Variants in ZNF772 observed in about 807,000 individuals in gnomAD.
The protein encoded by ZNF772 is zinc finger protein 772.
ZNF772 carries 8 observed loss-of-function variants against 11.0 expected under a neutral mutation model. That is an observed-to-expected ratio of 0.73 (90% CI 0.43 to 1.31). The LOEUF (loss-of-function observed/expected upper bound fraction) is 1.31, where lower values mean the gene tolerates loss of function less well. ZNF772 is among the 50% of genes most tolerant of loss of function. ZNF772 has a pLI of 0.01. For missense variants in ZNF772, 496 were observed against 552.3 expected, an observed-to-expected ratio of 0.90 and a Z score of 1.02; for synonymous variants, 155 against 180.4, an observed-to-expected ratio of 0.86 and a Z score of 1.13.
Position 57,474,891 on chromosome 19 carries a change from G to C in ZNF772, c.200-470C>G, listed in dbSNP as rs909967924. The C allele has an allele frequency of 3.1e-6, 4 of 1,275,752 alleles. No homozygotes were observed. The South Asian group carries it at 5.6e-5, about 18-fold the overall frequency. The allele number at this position is 1,275,752 out of a possible 1,614,324, so 79.0% of individuals were successfully genotyped here. On this transcript the variant is annotated intron_variant, in intron 3 of 3. Transcript: ENST00000356584. ...GGTGAGACATGAAGGCAGAGGTATG[G>C]AACATCCAGAGGCCAAAGGCCAGAG...
In ZNF772 at chr19:57,474,321, C is replaced by T. The variant is rs1328626241; in HGVS notation, c.300G>A (p.Gln100=). ...IRIPKGGPST[Q]KAYPCGTCGL... is the part of the protein sequence containing the mutation. ...CACATGTCCCACAGGGGTAAGCCTT[C>T]TGAGTAGAAGGACCTCCCTTGGGAA... Residue 100 remains glutamine (Q), a synonymous_variant, in exon 4 of 4, where the codon CAG becomes CAA. Transcript: ENST00000356584. 1 of 1,614,104 alleles carries T rather than the reference C, an allele frequency of 6.2e-7. No individual in the cohort carries two copies. The highest frequency in any genetic ancestry group is 8.5e-7 in the Non-Finnish European group (1 of 1,180,048).
At position 57,473,198 on chromosome 19, in the gene ZNF772, A is replaced by T; in HGVS notation, c.*76T>A. Reference sequence around the variant, plus strand: ...AGTTCTACTTCTGGCTGTCGGCTACACATAAAGGCTATGCTTGGAGCTTCT... The same window carrying T: ...AGTTCTACTTCTGGCTGTCGGCTACTCATAAAGGCTATGCTTGGAGCTTCT... On this transcript the variant is annotated 3_prime_UTR_variant, in exon 4 of 4. Transcript: ENST00000356584. 1 of 1,431,212 alleles carries T rather than the reference A, an allele frequency of 7.0e-7. No homozygotes were observed. Among genetic ancestry groups the T allele is most frequent in the Non-Finnish European group, 9.5e-7 (1 of 1,056,626 alleles). The allele number at this position is 1,431,212 out of a possible 1,614,324, so 88.7% of individuals were successfully genotyped here.
Position 57,472,217 on chromosome 19 carries a change from A to G in ZNF772, c.*1057T>C, listed in dbSNP as rs1340954404. The G allele has an allele frequency of 2.2e-6, 1 of 455,368 alleles. No individual in the cohort carries two copies. The highest frequency in any genetic ancestry group is 2.0e-5 in the African/African-American group (1 of 50,002). 28.2% of individuals were successfully genotyped at this position (455,368 alleles called of 1,614,324 possible). On this transcript the variant is annotated 3_prime_UTR_variant, in exon 4 of 4. Transcript: ENST00000356584. ...TTCCTTTATTAATCTGGGTTTCTGCACCAACTATGATTCCTACCTGGGCCT... is the reference window on the plus strand; with the variant it reads ...TTCCTTTATTAATCTGGGTTTCTGCGCCAACTATGATTCCTACCTGGGCCT...
chr19:57,475,292 T>C lies in ZNF772; in HGVS notation c.199+368A>G, dbSNP rs1600120506. On this transcript the variant is annotated intron_variant, in intron 3 of 3. Coordinates refer to ENST00000356584, the MANE Select transcript of ZNF772 (RefSeq NM_001144068.2). This position sits in a 1 kb window ranked among gnomAD's most constrained non-coding sequence, Gnocchi z 4.2. ...ATAATGGTCCCTACAATTCCTGACA[T>C]AGGCAGGCCACAGGAAATGTCAGCT... 11 of 1,048,086 alleles carry C rather than the reference T, an allele frequency of 1.0e-5. No individual in the cohort carries two copies. Among genetic ancestry groups the C allele is most frequent in the East Asian group, 2.6e-5 (1 of 38,350 alleles). 64.9% of individuals were successfully genotyped at this position (1,048,086 alleles called of 1,614,324 possible). A position where few individuals can be genotyped will look rare whatever the true frequency, so the allele number is the denominator to read the frequency against.
intron 3 of ZNF772, 21 bp from the exon 4 acceptor site, chr19:57,474,442 G>T: frequency 6.3e-7 from 1 of 1,588,770 alleles, no homozygotes; most frequent in African/African-American, 1.3e-5. Context: ...AGAAATGCTG[G>T]TGAAGTACAA....
rs2123138293 is a variant in ZNF772, at chr19:57,470,087, A to C, written c.*3187T>G. ...CTAAACTCAACTAAAATGAAACCAC[A>C]TCGGCTGGGCTCACGCCTGTAATCC... On this transcript the variant is annotated 3_prime_UTR_variant, in exon 4 of 4. Transcript: ENST00000356584. The C allele has an allele frequency of 6.6e-6, 1 of 152,318 alleles. No individual in the cohort carries two copies. Among genetic ancestry groups the C allele is most frequent in the African/African-American group, 2.4e-5 (1 of 41,582 alleles). The allele number at this position is 152,318 out of a possible 1,614,324, so 9.4% of individuals were successfully genotyped here.
chr19:57,473,906 A>C lies in ZNF772; in HGVS notation c.715T>G (p.Ser239Ala). The change falls in exon 4 of 4, where the codon TCA becomes GCA. Residue 239 changes from serine (S) to alanine (A), a missense_variant. Coordinates refer to ENST00000356584, the MANE Select transcript of ZNF772 (RefSeq NM_001144068.2). ...TGGACTCTCTGGTGTTGAACAAGTG[A>C]GTCTTTGCGGCTGAAGGTTTTCCCA... ...ECGKTFSRKD[S>A]LVQHQRVHTG... 6.2e-7 allele frequency: 1 copy of C among 1,613,978 alleles called. No individual in the cohort carries two copies. Among genetic ancestry groups the C allele is most frequent in the Non-Finnish European group, 8.5e-7 (1 of 1,180,000 alleles).
intron 1 of ZNF772, 54 bp downstream of exon 1, chr19:57,477,223 C>G (rs1046455712): frequency 5.6e-6 from 9 of 1,611,586 alleles, no homozygotes; most frequent in Non-Finnish European, 5.9e-6. Flanking sequence ...TCATTCGAAG[C>G]TTTGGGATTC....
chr19:57,470,267 G>A lies in ZNF772; in HGVS notation c.*3007C>T, dbSNP rs2123138788. ...AGTCCAAGCTACTCGGGAGGCTGAG[G>A]CAGGAGAATGGTGTGAACCCAGGAG... On this transcript the variant is annotated 3_prime_UTR_variant, in exon 4 of 4. Coordinates refer to ENST00000356584, the MANE Select transcript of ZNF772 (RefSeq NM_001144068.2). 1 of 152,326 alleles carries A rather than the reference G, an allele frequency of 6.6e-6. No individual in the cohort carries two copies. The allele number at this position is 152,326 out of a possible 1,614,324, so 9.4% of individuals were successfully genotyped here.
rs1437210353 is a variant in ZNF772, at chr19:57,475,878, C to T, written c.73-92G>A. 3.3e-6 allele frequency: 5 copies of T among 1,494,454 alleles called. No homozygotes were observed. Among genetic ancestry groups the T allele is most frequent in the Middle Eastern group, 1.8e-4 (1 of 5,512 alleles). 92.6% of individuals were successfully genotyped at this position (1,494,454 alleles called of 1,614,324 possible). The stretch of plus-strand genomic sequence containing the variant: ...ACACATCTCCCTCCTGTACACCCTC[C>T]TACCTAACTCCTCAACTCAGGAAAT... On this transcript the variant is annotated intron_variant, in intron 2 of 3. Transcript: ENST00000356584. This position sits in a 1 kb window ranked among gnomAD's most constrained non-coding sequence, Gnocchi z 4.2.
Position 57,472,417 on chromosome 19 carries a change from C to A in ZNF772, c.*857G>T. The A allele has an allele frequency of 3.3e-6, 1 of 299,672 alleles. No homozygotes were observed. Among genetic ancestry groups the A allele is most frequent in the South Asian group, 2.9e-5 (1 of 34,954 alleles). The allele number at this position is 299,672 out of a possible 1,614,324, so 18.6% of individuals were successfully genotyped here. ...CATTAGAGATTATCACAACAAATGC[C>A]CACTGCTTAGGGTGACCTCAATTAC... On this transcript the variant is annotated 3_prime_UTR_variant, in exon 4 of 4. Coordinates refer to ENST00000356584, the MANE Select transcript of ZNF772 (RefSeq NM_001144068.2).
chr19:57,473,680 C>G lies in ZNF772; in HGVS notation c.941G>C (p.Cys314Ser). 2 of 1,613,902 alleles carry G rather than the reference C, an allele frequency of 1.2e-6. No homozygotes were observed. Among genetic ancestry groups the G allele is most frequent in the Non-Finnish European group, 1.7e-6 (2 of 1,179,964 alleles). ...AGATTTGTGACTATAGGCTTTCCCA[C>G]ATTCACTGCACTTGTAAGGCCTTGC... ...TGARPYKCSE[C>S]GKAYSHKSTL... The change falls in exon 4 of 4, where the codon TGT becomes TCT. Residue 314 changes from cysteine (C) to serine (S), a missense_variant. Coordinates refer to ENST00000356584, the MANE Select transcript of ZNF772 (RefSeq NM_001144068.2).
At chr19:57,476,992 T>G (rs1024897664) in intron 1 of ZNF772, among the ~76,000 whole-genome samples, 1 of 152,228 alleles carries the variant, frequency 6.6e-6, no homozygotes, top group Non-Finnish European at 1.5e-5. Flanking sequence ...CTCAGGATGA[T>G]ATTCCAGGTG....
chr19:57,476,560 A>G, intron 2 of ZNF772, 74 bp downstream of exon 2: 4 of 1,540,948 alleles, frequency 2.6e-6, no homozygotes, highest in Non-Finnish European at 2.7e-6. Context: ...AGAGTGTTCT[A>G]TATAACACCA....
At position 57,476,632 on chromosome 19, in the gene ZNF772, A is replaced by T; in HGVS notation, c.72+2T>A. ...GTGAGAGCATGGACATTCTCCCCTC[A>T]CCTGTATAGGGTCCACAATTACTTC... is the stretch of plus-strand genomic sequence containing the variant. On this transcript the variant is annotated splice_donor_variant, in intron 2 of 3. Coordinates refer to ENST00000356584, the MANE Select transcript of ZNF772 (RefSeq NM_001144068.2). LOFTEE classifies it high-confidence loss of function. The T allele has an allele frequency of 6.2e-7, 1 of 1,612,798 alleles. No individual in the cohort carries two copies. Among genetic ancestry groups the T allele is most frequent in the Non-Finnish European group, 8.5e-7 (1 of 1,179,354 alleles).
In ZNF772 at chr19:57,473,747, G is replaced by A. The variant is rs772450574; in HGVS notation, c.874C>T (p.His292Tyr). 1.9e-6 allele frequency: 3 copies of A among 1,614,158 alleles called. No individual in the cohort carries two copies. Among genetic ancestry groups the A allele is most frequent in the Non-Finnish European group, 8.5e-7 (1 of 1,180,026 alleles). The change falls in exon 4 of 4, where the codon CAT becomes TAT. Residue 292 changes from histidine (H) to tyrosine (Y), a missense_variant. Coordinates refer to ENST00000356584, the MANE Select transcript of ZNF772 (RefSeq NM_001144068.2). ...TGATGTACAATAAGGTTAGAGCTATGATTAAAAACTTTCCCACATATGCCA... is the reference window on the plus strand; with the variant it reads ...TGATGTACAATAAGGTTAGAGCTATAATTAAAAACTTTCCCACATATGCCA... ...ECGICGKVFN[H>Y]SSNLIVHQRV...
At position 57,475,070 on chromosome 19, in the gene ZNF772, G is replaced by A; in HGVS notation, c.199+590C>T. 6.2e-7 allele frequency: 1 copy of A among 1,614,200 alleles called. No individual in the cohort carries two copies. The highest frequency in any genetic ancestry group is 8.5e-7 in the Non-Finnish European group (1 of 1,180,026). ...TCTCTGTGGCAACAGCTAGGGTCAT[G>A]TCCACCCAGTCAGGTACCCAGGGCT... is the stretch of plus-strand genomic sequence containing the variant. On this transcript the variant is annotated intron_variant, in intron 3 of 3. Transcript: ENST00000356584. The surrounding 1 kb of genome is among the most constrained non-coding windows in gnomAD (Gnocchi z 4.2).
rs758362315 is a variant in ZNF772, at chr19:57,475,738, ACTC to A, written c.118_120del (p.Glu40del). The A allele has an allele frequency of 2.1e-4, 342 of 1,612,862 alleles. No homozygotes were observed. The highest frequency in any genetic ancestry group is 9.9e-4 in the Middle Eastern group (6 of 6,048). On this transcript the variant is annotated inframe_deletion, in exon 3 of 4. Coordinates refer to ENST00000356584, the MANE Select transcript of ZNF772 (RefSeq NM_001144068.2). The surrounding 1 kb of genome is among the most constrained non-coding windows in gnomAD (Gnocchi z 4.2). ...CTCTGAGCCTCATCAAGGAGCACCC[ACTC>A]CTCCTGGGAGAAGTACACGAACACG...
chr19:57,471,235 G>C lies in ZNF772; in HGVS notation c.*2039C>G, dbSNP rs1295345897. 6.6e-6 allele frequency: 1 copy of C among 151,948 alleles called. No individual in the cohort carries two copies. Among genetic ancestry groups the C allele is most frequent in the Non-Finnish European group, 1.5e-5 (1 of 67,992 alleles). The allele number at this position is 151,948 out of a possible 1,614,324, so 9.4% of individuals were successfully genotyped here. On this transcript the variant is annotated 3_prime_UTR_variant, in exon 4 of 4. Transcript: ENST00000356584. ...TGATACCAAAGCCAAACCTGGGCAA[G>C]ATATAAAATTACAAAGAAAAAAAAG...
Sources: allele counts gnomAD v4.1 joint callset (sites outside exome capture counted in the v4.1 genomes callset), GRCh38; gene constraint gnomAD v4.1.1; non-coding constraint Gnocchi (gnomAD v3.1); transcripts MANE v1.5; gene names NCBI Gene and HGNC (gene_info 2026-07-23, HGNC 2026-07-21).